LSAMP: variants seen among roughly 807,000 people sequenced by gnomAD.
LSAMP encodes the protein limbic system-associated membrane protein.
In LSAMP, 7 loss-of-function variants were observed where a neutral mutation model predicts 38.6. The ratio of observed to expected loss-of-function variants is 0.18; its 90% CI spans 0.10 to 0.34. The LOEUF (loss-of-function observed/expected upper bound fraction) is 0.34. LSAMP is among the 10% of genes least tolerant of loss of function. The pLI, the probability that LSAMP is intolerant of heterozygous loss-of-function variation, is 1.00. For synonymous variants in LSAMP, 154 were observed against 166.8 expected, an observed-to-expected ratio of 0.92 and a Z score of 0.59; for missense variants, 313 against 420.0, an observed-to-expected ratio of 0.75 and a Z score of 2.23.
At chr3:115,850,471 C>G (rs1281760405) in intron 4 of LSAMP, among the ~76,000 whole-genome samples, 1 of 152,162 alleles carries the variant, frequency 6.6e-6, no homozygotes, top group Non-Finnish European at 1.5e-5. Context: ...AAGAAGCTAA[C>G]CTAATTATAA....
intron 3 of LSAMP, among the ~76,000 whole-genome samples, chr3:115,854,283 T>TTTA (rs1559851920): frequency 1.5e-5 from 1 of 65,986 alleles, no homozygotes; most frequent in Non-Finnish European, 3.1e-5. Flanking sequence ...ATTATTATTA[T>TTTA]TTTTTTTTTT....
intron 1 of LSAMP, among the ~76,000 whole-genome samples, chr3:116,123,119 A>G (rs1010934309): frequency 6.6e-6 from 1 of 152,222 alleles, no homozygotes; most frequent in Non-Finnish European, 1.5e-5. Context: ...GAAAATATCA[A>G]TAATAGGAAA....
chr3:116,183,195 T>C (rs1710529008), intron 1 of LSAMP, among the ~76,000 whole-genome samples: 1 of 151,804 alleles, frequency 6.6e-6, no homozygotes, highest in South Asian at 2.1e-4. Context: ...ATCTCCTTTT[T>C]AAGGAAACAC....
At chr3:116,072,241 C>T (rs13100914) in intron 2 of LSAMP, among the ~76,000 whole-genome samples, 20,673 of 152,076 alleles carry the variant, frequency 0.14, 1,540 homozygotes, top group Non-Finnish European at 0.17. Context: ...TCCCAAAGTG[C>T]TGGGATTACA....
intron 2 of LSAMP, among the ~76,000 whole-genome samples, chr3:116,080,590 C>T (rs1164897230): frequency 6.6e-6 from 1 of 152,198 alleles, no homozygotes; most frequent in Non-Finnish European, 1.5e-5. Context: ...ATATTGCTAA[C>T]CATCTTAACT....
At chr3:116,293,813 C>A (rs1298530476) in intron 1 of LSAMP, among the ~76,000 whole-genome samples, 1 of 151,980 alleles carries the variant, frequency 6.6e-6, no homozygotes, top group Non-Finnish European at 1.5e-5. Context: ...AGGAATTGTT[C>A]TATACTTTGA....
intron 3 of LSAMP, among the ~76,000 whole-genome samples, chr3:116,016,534 A>C (rs1301463305): frequency 6.6e-6 from 1 of 152,312 alleles, no homozygotes; most frequent in East Asian, 1.9e-4. Context: ...GGATGAGTGC[A>C]GCAAATCCTT....
chr3:116,340,436 G>C (rs2047977251), intron 1 of LSAMP, among the ~76,000 whole-genome samples: 1 of 151,760 alleles, frequency 6.6e-6, no homozygotes, highest in African/African-American at 2.4e-5. Context: ...GAAAATCAAT[G>C]GAATGCATCT....
intron 1 of LSAMP, among the ~76,000 whole-genome samples, chr3:116,331,927 A>G (rs2107741898): frequency 6.6e-6 from 1 of 151,980 alleles, no homozygotes; most frequent in South Asian, 2.1e-4. Flanking sequence ...CACCTTGAAG[A>G]TCTGGGCTCA....
intron 1 of LSAMP, among the ~76,000 whole-genome samples, chr3:116,418,769 A>G (rs1019455448): frequency 6.6e-6 from 1 of 152,188 alleles, no homozygotes; most frequent in African/African-American, 2.4e-5. Flanking sequence ...AGATAGATAA[A>G]TAGATAGATA....
chr3:116,290,733 A>AT (rs1380294940), intron 1 of LSAMP, among the ~76,000 whole-genome samples: 8 of 86,680 alleles, frequency 9.2e-5, no homozygotes, highest in Non-Finnish European at 1.8e-4. Context: ...CTGTCTCACA[A>AT]AAATAATAAT....
At chr3:115,843,552 A>G (rs1056926143) in intron 4 of LSAMP, among the ~76,000 whole-genome samples, 7 of 152,318 alleles carry the variant, frequency 4.6e-5, no homozygotes, top group Middle Eastern at 3.4e-3. Flanking sequence ...ACACATGGGG[A>G]AAACAGACCC....
At chr3:115,950,505 T>A (rs1295122165) in intron 3 of LSAMP, among the ~76,000 whole-genome samples, 2 of 151,736 alleles carry the variant, frequency 1.3e-5, no homozygotes, top group Non-Finnish European at 2.9e-5. Flanking sequence ...TGCAAAAAAA[T>A]AAATAAATTG....
intron 2 of LSAMP, among the ~76,000 whole-genome samples, chr3:116,047,079 C>T (rs1213663918): frequency 6.6e-6 from 1 of 152,162 alleles, no homozygotes; most frequent in African/African-American, 2.4e-5. Flanking sequence ...CAGTTCCTAT[C>T]CTTTGGGACA....
chr3:116,281,086 TG>T (rs763871883), intron 1 of LSAMP, among the ~76,000 whole-genome samples: 1 of 152,110 alleles, frequency 6.6e-6, no homozygotes, highest in East Asian at 1.9e-4. Flanking sequence ...GTTGCAAACT[TG>T]GAAAAAATAC....
chr3:116,219,499 G>T (rs2046257704), intron 1 of LSAMP, among the ~76,000 whole-genome samples: 1 of 152,072 alleles, frequency 6.6e-6, no homozygotes, highest in Non-Finnish European at 1.5e-5. Flanking sequence ...TCATATGGTA[G>T]TTCCATTTTT....
chr3:116,323,017 G>C (rs942061139), intron 1 of LSAMP, among the ~76,000 whole-genome samples: 1 of 152,094 alleles, frequency 6.6e-6, no homozygotes, highest in Non-Finnish European at 1.5e-5. Context: ...AACTGGCTTA[G>C]TTACTGTACA....
At chr3:116,282,189 C>A (rs943646302) in intron 1 of LSAMP, among the ~76,000 whole-genome samples, 1 of 152,122 alleles carries the variant, frequency 6.6e-6, no homozygotes, top group Non-Finnish European at 1.5e-5. Flanking sequence ...GTTACAAGGA[C>A]AGAGGGAAAA....
intron 1 of LSAMP, among the ~76,000 whole-genome samples, chr3:116,251,136 T>C (rs2046679233): frequency 6.6e-6 from 1 of 152,208 alleles, no homozygotes; most frequent in Admixed American, 6.5e-5. Context: ...GTTTCTCTTT[T>C]TACAAAACGT....
Sources: gnomAD v4.1 joint callset for allele counts (sites outside exome capture counted in the v4.1 genomes callset) on GRCh38, gnomAD v4.1.1 for gene constraint, MANE v1.5 for transcripts, NCBI Gene and HGNC (gene_info 2026-07-23, HGNC 2026-07-21) for gene names.